ENPP3: variants seen among roughly 807,000 people sequenced by gnomAD.
ENPP3 encodes the protein ectonucleotide pyrophosphatase/phosphodiesterase 3.
Under a neutral mutation model 117.8 loss-of-function variants are expected in ENPP3, and 104 were observed. The observed-to-expected ratio is 0.88, with a 90% CI of 0.75 to 1.04. The LOEUF (loss-of-function observed/expected upper bound fraction) is 1.04. ENPP3 is among the 50% of genes least tolerant of loss of function. ENPP3 has a pLI of 0.00. For synonymous variants in ENPP3, 380 were observed against 349.9 expected, an observed-to-expected ratio of 1.09 and a Z score of -0.96; for missense variants, 1,026 against 1,051.9, an observed-to-expected ratio of 0.98 and a Z score of 0.34.
intron 12 of ENPP3, among the ~76,000 whole-genome samples, chr6:131,684,430 C>T (rs1010941962): frequency 4.6e-5 from 7 of 152,178 alleles, no homozygotes; most frequent in Admixed American, 2.0e-4. Context: ...CTGTAATCCC[C>T]GCACTTTAGG....
chr6:131,641,417 A>G (rs762840934), intron 1 of ENPP3, 38 bp from the exon 2 acceptor site: 2 of 1,399,562 alleles, frequency 1.4e-6, no homozygotes, highest in Non-Finnish European at 2.0e-6. Flanking sequence ...GTAATTTTTT[A>G]AAAAATTATA....
chr6:131,745,365 T>C (rs1585747340), intron 24 of ENPP3, among the ~76,000 whole-genome samples: 1 of 152,272 alleles, frequency 6.6e-6, no homozygotes, highest in Admixed American at 6.5e-5. Context: ...CTGGCTCAGA[T>C]AGTGGCTATC....
chr6:131,725,483 C>T (rs1040015598), intron 19 of ENPP3, among the ~76,000 whole-genome samples: 1 of 152,040 alleles, frequency 6.6e-6, no homozygotes, highest in East Asian at 1.9e-4. Flanking sequence ...CCTAATCCTG[C>T]TCATGGGGGT....
At position 131,738,053 on chromosome 6, in the gene ENPP3, T is replaced by C. The variant is rs184208048; in HGVS notation, c.2190T>C (p.Ser730=). The C allele has an allele frequency of 5.2e-4, 838 of 1,604,800 alleles. 7 individuals are homozygous for C. The East Asian group carries it at 0.012, about 22-fold the overall frequency. The change falls in exon 23 of 25, where the codon AGT becomes AGC. Residue 730 remains serine (S), a synonymous_variant. Coordinates refer to ENST00000357639, the MANE Select transcript of ENPP3 (RefSeq NM_005021.5). ...EFRKMWDYFH[S]VLLIKHATER... Reference sequence around the variant, plus strand: ...TAGAAATGTGGGACTACTTCCACAGTGTTCTTCTTATAAAACATGCCACAG... The same window carrying C: ...TAGAAATGTGGGACTACTTCCACAGCGTTCTTCTTATAAAACATGCCACAG...
intron 1 of ENPP3, among the ~76,000 whole-genome samples, chr6:131,639,917 A>T (rs1166526690): frequency 6.6e-6 from 1 of 152,190 alleles, no homozygotes; most frequent in African/African-American, 2.4e-5. Flanking sequence ...TCTTGAGGCC[A>T]GGAGTTCCAT....
chr6:131,673,453 T>A (rs1211465829), intron 7 of ENPP3, among the ~76,000 whole-genome samples: 1 of 152,140 alleles, frequency 6.6e-6, no homozygotes, highest in Non-Finnish European at 1.5e-5. Flanking sequence ...TTCTCACTTA[T>A]AAGTGGGAGC....
intron 14 of ENPP3, 143 bp downstream of exon 14, chr6:131,686,050 T>G: frequency 2.1e-6 from 1 of 465,398 alleles, no homozygotes; most frequent in Non-Finnish European, 4.0e-6. Context: ...TTATTTTATA[T>G]GCATATTAGT....
At chr6:131,679,005 CCTTCCTTCCTTCCTTCCTTCCT>C (rs1778949859) in intron 11 of ENPP3, among the ~76,000 whole-genome samples, 4 of 82,888 alleles carry the variant, frequency 4.8e-5, no homozygotes, top group African/African-American at 2.1e-4. Flanking sequence ...TTCCTTGCTT[CCTTCCTTCCTTCCTTCCTTCCT>C]TCTTTCTTTC....
chr6:131,690,551 T>G (rs553244758), intron 14 of ENPP3, among the ~76,000 whole-genome samples: 1 of 152,356 alleles, frequency 6.6e-6, no homozygotes, highest in South Asian at 2.1e-4. Context: ...TTATGTGCAC[T>G]GGGAAACCAA....
At chr6:131,686,808 C>T (rs1779163074) in intron 14 of ENPP3, among the ~76,000 whole-genome samples, 1 of 152,176 alleles carries the variant, frequency 6.6e-6, no homozygotes, top group African/African-American at 2.4e-5. Flanking sequence ...ATTATGGCCT[C>T]CAGCTCCATT....
At chr6:131,739,521 A>G (rs2114576085) in intron 23 of ENPP3, among the ~76,000 whole-genome samples, 2 of 149,582 alleles carry the variant, frequency 1.3e-5, no homozygotes, top group East Asian at 4.1e-4. Flanking sequence ...CTTCTGCTGT[A>G]TTAGTAAACA....
rs565771177 is a variant in ENPP3 at position 131,731,711 on chromosome 6, G to A, written c.1954-1877G>A. On this transcript the variant is annotated intron_variant, in intron 20 of 24. Transcript: ENST00000357639. ...CTACCCTTCTGGGGTTCTACAGTAGGACTTCCTTGGTGCTTTTCCCAAACA... is the reference window on the plus strand; with the variant it reads ...CTACCCTTCTGGGGTTCTACAGTAGAACTTCCTTGGTGCTTTTCCCAAACA... 1.6e-4 allele frequency among the ~76,000 whole-genome samples: 24 copies of A among 152,258 alleles called. No homozygotes were observed. The East Asian group carries it at 4.6e-3, about 29-fold the overall frequency.
chr6:131,677,090 GC>G (rs1365733973), intron 10 of ENPP3, among the ~76,000 whole-genome samples: 1 of 152,026 alleles, frequency 6.6e-6, no homozygotes, highest in East Asian at 1.9e-4. Flanking sequence ...TAAAGAATTA[GC>G]TGGGCATGGT....
intron 20 of ENPP3, among the ~76,000 whole-genome samples, chr6:131,731,587 C>T (rs1339756438): frequency 1.3e-5 from 2 of 152,154 alleles, no homozygotes; most frequent in Non-Finnish European, 2.9e-5. Flanking sequence ...TTTAAACTCT[C>T]CAGAGAGTAA....
At position 131,693,629 on chromosome 6, in the gene ENPP3, G is replaced by A. The variant is rs770024064; in HGVS notation, c.1412+5G>A. ...TCAACAGTGGCTGGCTGTTAGGTTC[G>A]TGTATCTGTTTACTTATCTCATAAT... On this transcript the variant is annotated splice_donor_5th_base_variant and intron_variant, in intron 15 of 24. Transcript: ENST00000357639. 3.5e-5 allele frequency: 57 copies of A among 1,612,040 alleles called. No homozygotes were observed. The highest frequency in any genetic ancestry group is 3.5e-4 in the Admixed American group (21 of 59,706).
At chr6:131,671,570 C>T (rs1778742630) in intron 7 of ENPP3, among the ~76,000 whole-genome samples, 2 of 152,182 alleles carry the variant, frequency 1.3e-5, no homozygotes, top group African/African-American at 4.8e-5. Context: ...GAGCCAAAAA[C>T]AGACCCTTTG....
intron 6 of ENPP3, among the ~76,000 whole-genome samples, chr6:131,669,310 T>C (rs1443077353): frequency 2.0e-5 from 3 of 152,172 alleles, no homozygotes; most frequent in Non-Finnish European, 2.9e-5. Context: ...ATCTTATGTT[T>C]TATAAATTAA....
intron 10 of ENPP3, among the ~76,000 whole-genome samples, chr6:131,677,557 A>G (rs1778896595): frequency 6.6e-6 from 1 of 152,246 alleles, no homozygotes. Flanking sequence ...ACCAAGAATC[A>G]GCAAAAAGTC....
chr6:131,739,353 C>A (rs1347596637), intron 23 of ENPP3, among the ~76,000 whole-genome samples: 1 of 151,998 alleles, frequency 6.6e-6, no homozygotes, highest in Admixed American at 6.5e-5. Flanking sequence ...GATTTATCCC[C>A]ATGTCTACAC....
Sources: allele counts gnomAD v4.1 joint callset (sites outside exome capture counted in the v4.1 genomes callset), GRCh38; gene constraint gnomAD v4.1.1; transcripts MANE v1.5; gene names NCBI Gene and HGNC (gene_info 2026-07-23, HGNC 2026-07-21).